Variants in WARS1 observed in about 807,000 individuals in gnomAD.
The protein encoded by WARS1 is tryptophan--tRNA ligase, cytoplasmic.
WARS1 carries 17 observed loss-of-function variants against 47.8 expected under a neutral mutation model. That is an observed-to-expected ratio of 0.36 (90% CI 0.24 to 0.53). WARS1 has a LOEUF of 0.53. Among genes scored for constraint, WARS1 ranks in the 20% least tolerant of loss-of-function variants. The probability of loss-of-function intolerance (pLI) is 0.91; values close to 1 mark genes in which losing one functional copy is unlikely to be tolerated. For missense variants in WARS1, 434 were observed against 608.0 expected (o/e 0.71, Z 3.01); for synonymous variants, 208 against 228.1 (o/e 0.91, Z 0.79).
chr14:100,366,073 T>C (rs1052706481), intron 2 of WARS1: 27 of 455,904 alleles, frequency 5.9e-5, no homozygotes, highest in African/African-American at 4.8e-4. Flanking sequence ...TTCCCCTCCA[T>C]TCCAAGGTTT....
intron 2 of WARS1, among the ~76,000 whole-genome samples, chr14:100,367,791 G>A (rs1470169593): frequency 1.3e-5 from 2 of 152,074 alleles, no homozygotes; most frequent in Non-Finnish European, 2.9e-5. Context: ...AGCATTTCCA[G>A]GGGAAATCAC....
intron 7 of WARS1, among the ~76,000 whole-genome samples, chr14:100,344,480 A>T (rs2139935698): frequency 6.6e-6 from 1 of 152,304 alleles, no homozygotes; most frequent in South Asian, 2.1e-4. Context: ...AAGTGCCGAG[A>T]TTGCAGCCTC....
At chr14:100,352,257 GC>G (rs1895044398) in intron 6 of WARS1, among the ~76,000 whole-genome samples, 1 of 151,056 alleles carries the variant, frequency 6.6e-6, no homozygotes, top group African/African-American at 2.4e-5. Flanking sequence ...AACTACAGGA[GC>G]ACGCCACCAC....
At chr14:100,335,403 GAGTCT>G (rs1893652425) in intron 10 of WARS1, among the ~76,000 whole-genome samples, 1 of 151,094 alleles carries the variant, frequency 6.6e-6, no homozygotes, top group Non-Finnish European at 1.5e-5. Context: ...TTTTGAGATG[GAGTCT>G]CACTCTGTTG....
chr14:100,340,452 C>T (rs932424074), intron 9 of WARS1: 2 of 152,200 alleles, frequency 1.3e-5, no homozygotes, highest in African/African-American at 4.8e-5. Flanking sequence ...CTCAGCAAAG[C>T]CACCTGAGTC....
Position 100,369,270 on chromosome 14 carries a change from GC to G in WARS1, c.-73-13del. 1.4e-6 allele frequency: 1 copy of G among 738,278 alleles called. No homozygotes were observed. The highest frequency in any genetic ancestry group is 1.9e-6 in the Non-Finnish European group (1 of 526,744). The allele number at this position is 738,278 out of a possible 1,614,324, so 45.7% of individuals were successfully genotyped here. On this transcript the variant is annotated splice_polypyrimidine_tract_variant and intron_variant, in intron 1 of 10. Transcript: ENST00000392882. ...CAGACGAGTCAAGACTGGGGTGGGG[GC>G]GGGGAAGGAGAGAGAGGAAAAACCA...
At chr14:100,349,512 C>G (rs1894836469) in intron 6 of WARS1, among the ~76,000 whole-genome samples, 1 of 152,206 alleles carries the variant, frequency 6.6e-6, no homozygotes, top group Non-Finnish European at 1.5e-5. Flanking sequence ...CCTCCCATGC[C>G]CAGGCCACAC....
At chr14:100,368,981 C>T (rs1315912097) in intron 2 of WARS1, 106 bp downstream of exon 2, 3 of 764,042 alleles carry the variant, frequency 3.9e-6, no homozygotes, top group Non-Finnish European at 5.5e-6. Context: ...AAAATTATAA[C>T]CAAAACACCT....
At chr14:100,354,930 C>T (rs1275471004) in intron 4 of WARS1, among the ~76,000 whole-genome samples, 1 of 152,204 alleles carries the variant, frequency 6.6e-6, no homozygotes, top group East Asian at 1.9e-4. Flanking sequence ...CTCAGAATCA[C>T]CCAGCCCCGA....
intron 2 of WARS1, chr14:100,367,033 A>AC: frequency 3.7e-6 from 3 of 803,694 alleles, no homozygotes; most frequent in Non-Finnish European, 5.8e-6. Flanking sequence ...AAGATTTAAT[A>AC]CAGTAAAATA....
In WARS1 at chr14:100,339,410, T is replaced by C. The variant is rs367940531; in HGVS notation, c.1114-2208A>G. ...ATCAAGACCATCCTGGCTAACACGGTGAAACCCCGTCTCTACCAAAATACA... is the reference window on the plus strand; with the variant it reads ...ATCAAGACCATCCTGGCTAACACGGCGAAACCCCGTCTCTACCAAAATACA... On this transcript the variant is annotated intron_variant, in intron 9 of 10. Coordinates refer to ENST00000392882, the MANE Select transcript of WARS1 (RefSeq NM_004184.4). Among the ~76,000 whole-genome samples, 15 of 151,504 alleles carry C rather than the reference T, an allele frequency of 9.9e-5. 1 individual carries two copies. The highest frequency in any genetic ancestry group is 5.9e-4 in the East Asian group (3 of 5,082).
At chr14:100,354,919 G>C (rs1204435320) in intron 4 of WARS1, among the ~76,000 whole-genome samples, 1 of 152,154 alleles carries the variant, frequency 6.6e-6, no homozygotes, top group African/African-American at 2.4e-5. Flanking sequence ...TATGATCCTT[G>C]CTCAGAATCA....
chr14:100,363,058 C>T (rs1895750609), intron 2 of WARS1, among the ~76,000 whole-genome samples: 2 of 152,170 alleles, frequency 1.3e-5, no homozygotes, highest in African/African-American at 4.8e-5. Context: ...AAGTATGTTC[C>T]ACCCATCTCA....
At chr14:100,351,984 C>G (rs1457428761) in intron 6 of WARS1, among the ~76,000 whole-genome samples, 1 of 112,530 alleles carries the variant, frequency 8.9e-6, no homozygotes, top group African/African-American at 2.9e-5. Flanking sequence ...CAGAGCGAGA[C>G]TCCGTCTCAA....
intron 6 of WARS1, among the ~76,000 whole-genome samples, chr14:100,350,722 G>A (rs1201472438): frequency 6.6e-6 from 1 of 152,198 alleles, no homozygotes; most frequent in African/African-American, 2.4e-5. Context: ...GAGGGGATGG[G>A]CCACAGAGAG....
chr14:100,337,881 T>C (rs77311792), intron 9 of WARS1, among the ~76,000 whole-genome samples: 2,061 of 151,626 alleles, frequency 0.014, 50 homozygotes, highest in African/African-American at 0.048. Flanking sequence ...ACTAAAAAAA[T>C]AAATAAATAA....
At chr14:100,347,454 T>C (rs1336251104) in intron 6 of WARS1, among the ~76,000 whole-genome samples, 2 of 152,154 alleles carry the variant, frequency 1.3e-5, no homozygotes, top group Non-Finnish European at 2.9e-5. Context: ...CTCTCTCTTC[T>C]GGATGGTGAG....
intron 5 of WARS1, chr14:100,354,241 C>T (rs1473713274): frequency 2.5e-5 from 16 of 641,832 alleles, no homozygotes; most frequent in Non-Finnish European, 3.7e-5. Flanking sequence ...CTGGCTGACT[C>T]CAAAGCTGCG....
chr14:100,341,346 C>T (rs879822910), intron 9 of WARS1, among the ~76,000 whole-genome samples: 14 of 152,208 alleles, frequency 9.2e-5, no homozygotes, highest in Non-Finnish European at 1.9e-4. Flanking sequence ...AAAGAAAAGT[C>T]TTCAATTATA....
Sources: gnomAD v4.1 joint callset for allele counts (sites outside exome capture counted in the v4.1 genomes callset) on GRCh38, gnomAD v4.1.1 for gene constraint, MANE v1.5 for transcripts, NCBI Gene and HGNC (gene_info 2026-07-23, HGNC 2026-07-21) for gene names.